The following PRH1 variants were observed in gnomAD, a reference collection of about 807,000 sequenced individuals.
The protein encoded by PRH1 is salivary acidic proline-rich phosphoprotein 1/2.
Under a neutral mutation model 7.9 loss-of-function variants are expected in PRH1, and 7 were observed. That is an observed-to-expected ratio of 0.89 (90% CI 0.50 to 1.67). The LOEUF (loss-of-function observed/expected upper bound fraction) is 1.67. PRH1 is among the 40% of genes most tolerant of loss of function. The pLI is 0.00. For missense variants in PRH1, 109 were observed against 223.6 expected (o/e 0.49, Z 3.27); for synonymous variants, 45 against 80.8 (o/e 0.56, Z 2.38).
At chr12:10,908,599 C>T in intron 2 of PRH1, 3 of 1,613,924 alleles carry the variant, frequency 1.9e-6, no homozygotes, top group Non-Finnish European at 2.5e-6. Context: ...AATGAGATCA[C>T]AATTTTCAAG....
chr12:10,924,372 T>C (rs1197797335), intron 2 of PRH1, among the ~76,000 whole-genome samples: 1 of 152,226 alleles, frequency 6.6e-6, no homozygotes, highest in African/African-American at 2.4e-5. Flanking sequence ...TTTATTACTT[T>C]TTTCCTCACG....
At chr12:11,060,665 T>C (rs1042599086) in intron 1 of PRH1, among the ~76,000 whole-genome samples, 1 of 152,172 alleles carries the variant, frequency 6.6e-6, no homozygotes, top group Non-Finnish European at 1.5e-5. Flanking sequence ...TTCTAAGCTA[T>C]TCACATGCTT....
intron 1 of PRH1, among the ~76,000 whole-genome samples, chr12:11,109,516 C>T (rs1256934650): frequency 1.3e-5 from 2 of 152,166 alleles, no homozygotes; most frequent in Non-Finnish European, 2.9e-5. Context: ...ACTGGTGATA[C>T]CCAGGCAAAC....
intron 2 of PRH1, among the ~76,000 whole-genome samples, chr12:10,889,505 A>T (rs1389744658): frequency 2.0e-5 from 3 of 152,236 alleles, no homozygotes; most frequent in South Asian, 4.2e-4. Flanking sequence ...CATTGGTTGT[A>T]TTCTGGTTGG....
At chr12:10,931,199 A>T (rs1168830630) in intron 2 of PRH1, 2 of 1,526,964 alleles carry the variant, frequency 1.3e-6, no homozygotes, top group African/African-American at 2.8e-5. Flanking sequence ...CACATTTCTC[A>T]TGAGTTTTGT....
chr12:10,886,425 T>A (rs1222367135), upstream of PRH1, among the ~76,000 whole-genome samples: 2 of 152,234 alleles, frequency 1.3e-5, no homozygotes, highest in Non-Finnish European at 2.9e-5. Flanking sequence ...AGCTCAGGCC[T>A]GCTCCCTAAC....
chr12:11,073,364 C>T (rs74821183), intron 1 of PRH1, among the ~76,000 whole-genome samples: 16,223 of 64,784 alleles, frequency 0.25, 988 homozygotes, highest in Middle Eastern at 0.34. Context: ...AAACTCATGG[C>T]CTCAAGTGAT....
At chr12:10,932,894 C>T (rs1269928456) in intron 2 of PRH1, among the ~76,000 whole-genome samples, 1 of 150,968 alleles carries the variant, frequency 6.6e-6, no homozygotes. Context: ...TATAATGCAA[C>T]CAGGAGTATT....
At chr12:11,052,726 C>G (rs1943198099) in intron 1 of PRH1, among the ~76,000 whole-genome samples, 1 of 152,138 alleles carries the variant, frequency 6.6e-6, no homozygotes, top group Non-Finnish European at 1.5e-5. Flanking sequence ...TTCTAATTCA[C>G]TAATTATCTC....
At chr12:11,049,250 A>T (rs1422277303), upstream of PRH1, 11 of 1,069,324 alleles carry the variant, frequency 1.0e-5, no homozygotes, top group Non-Finnish European at 1.2e-5. Flanking sequence ...AGCAGAAAAC[A>T]TATCATGTTT....
At chr12:11,043,039 C>T (rs1413497404) in intron 1 of PRH1, among the ~76,000 whole-genome samples, 1 of 152,100 alleles carries the variant, frequency 6.6e-6, no homozygotes, top group African/African-American at 2.4e-5. Context: ...GCTAAAGTCT[C>T]AACAATATAC....
At chr12:11,164,527 A>C (rs1241101608) in intron 1 of PRH1, among the ~76,000 whole-genome samples, 3 of 152,220 alleles carry the variant, frequency 2.0e-5, no homozygotes, top group African/African-American at 4.8e-5. Flanking sequence ...CTAATACAGT[A>C]GCCTGCATAG....
chr12:11,139,299 C>G (rs1190363271), intron 1 of PRH1, among the ~76,000 whole-genome samples: 1 of 152,118 alleles, frequency 6.6e-6, no homozygotes, highest in Non-Finnish European at 1.5e-5. Context: ...AAACCTTGGT[C>G]AGAAAATAGA....
At chr12:11,133,433 T>G (rs200591143) in intron 1 of PRH1, 3 of 1,579,370 alleles carry the variant, frequency 1.9e-6, no homozygotes, top group South Asian at 1.1e-5. Flanking sequence ...GGTTGAAGGA[T>G]AGCTGAATAT....
chr12:11,167,290 G>A (rs757155044), intron 1 of PRH1, among the ~76,000 whole-genome samples: 5 of 152,218 alleles, frequency 3.3e-5, no homozygotes, highest in African/African-American at 9.6e-5. Flanking sequence ...GGGCTCCCAG[G>A]TATTCTAAAC....
intron 2 of PRH1, among the ~76,000 whole-genome samples, chr12:10,967,326 A>G (rs1476104027): frequency 1.3e-5 from 2 of 152,176 alleles, no homozygotes; most frequent in Non-Finnish European, 2.9e-5. Context: ...CACTTCTCCT[A>G]ATAAATAATT....
chr12:11,007,135 G>A (rs1385160997), intron 1 of PRH1, among the ~76,000 whole-genome samples: 1 of 151,926 alleles, frequency 6.6e-6, no homozygotes, highest in African/African-American at 2.4e-5. Flanking sequence ...GTATAAATAT[G>A]GATTTATTTT....
At chr12:11,151,273 C>T (rs897201922) in intron 1 of PRH1, among the ~76,000 whole-genome samples, 1 of 146,764 alleles carries the variant, frequency 6.8e-6, no homozygotes, top group Admixed American at 6.8e-5. Context: ...GTCATCCTTG[C>T]TTTTTTTTTT....
At chr12:11,037,937 G>A (rs1225521245) in intron 1 of PRH1, among the ~76,000 whole-genome samples, 1 of 152,230 alleles carries the variant, frequency 6.6e-6, no homozygotes, top group Non-Finnish European at 1.5e-5. Context: ...AGATATTCAG[G>A]AGGCTGAGAT....
Sources: gnomAD v4.1 joint callset for allele counts (sites outside exome capture counted in the v4.1 genomes callset) on GRCh38, gnomAD v4.1.1 for gene constraint, MANE v1.5 for transcripts, NCBI Gene and HGNC (gene_info 2026-07-23, HGNC 2026-07-21) for gene names.